Variants in TMEM71 observed in about 807,000 individuals in gnomAD.
The protein encoded by TMEM71 is transmembrane protein 71.
A neutral mutation model predicts 38.0 loss-of-function variants in TMEM71; 44 were observed. That is an observed-to-expected ratio of 1.16 (90% CI 0.91 to 1.49). The LOEUF is 1.49. TMEM71 is among the 40% of genes most tolerant of loss of function. The pLI, the probability that TMEM71 is intolerant of heterozygous loss-of-function variation, is 0.00. For missense variants in TMEM71, 367 were observed against 348.6 expected (o/e 1.05, Z -0.42); for synonymous variants, 133 against 122.5 (o/e 1.09, Z -0.56).
intron 5 of TMEM71, among the ~76,000 whole-genome samples, chr8:132,743,062 C>T (rs1252541888): frequency 6.6e-6 from 1 of 152,144 alleles, no homozygotes; most frequent in Non-Finnish European, 1.5e-5. Context: ...GATTCAATTA[C>T]CTCCCACCAG....
At chr8:132,727,260 T>C (rs957441271) in intron 6 of TMEM71, among the ~76,000 whole-genome samples, 1 of 135,370 alleles carries the variant, frequency 7.4e-6, no homozygotes, top group Admixed American at 7.2e-5. Context: ...ATTCTCAGAA[T>C]TTTTTTTTTT....
chr8:132,765,000 T>G (rs1829345442), upstream of TMEM71, among the ~76,000 whole-genome samples: 1 of 152,226 alleles, frequency 6.6e-6, no homozygotes, highest in Non-Finnish European at 1.5e-5. Flanking sequence ...GGCCAAAGCC[T>G]GGACAGGCTA....
chr8:132,718,263 T>A (rs909738598), intron 7 of TMEM71, among the ~76,000 whole-genome samples: 2 of 152,212 alleles, frequency 1.3e-5, no homozygotes, highest in African/African-American at 4.8e-5. Flanking sequence ...TAGCATTTTT[T>A]AAAATGCAAT....
At chr8:132,737,630 G>A (rs892000327) in intron 5 of TMEM71, among the ~76,000 whole-genome samples, 1 of 152,234 alleles carries the variant, frequency 6.6e-6, no homozygotes. Flanking sequence ...TCTTCCCCTG[G>A]AAAATGGGGA....
intron 5 of TMEM71, among the ~76,000 whole-genome samples, chr8:132,743,362 C>T (rs1232332125): frequency 2.6e-5 from 4 of 152,264 alleles, no homozygotes; most frequent in African/African-American, 9.6e-5. Context: ...CACTCCACTA[C>T]CAGTCACCCC....
intron 4 of TMEM71, among the ~76,000 whole-genome samples, chr8:132,750,437 T>C (rs1369341022): frequency 1.3e-5 from 2 of 152,198 alleles, no homozygotes; most frequent in South Asian, 2.1e-4. Flanking sequence ...TGTTGGGGTA[T>C]GTTCTCTTGC....
At chr8:132,708,787 A>C (rs770376585), downstream of TMEM71, among the ~76,000 whole-genome samples, 23 of 152,224 alleles carry the variant, frequency 1.5e-4, no homozygotes, top group Admixed American at 1.1e-3. Context: ...TATTTAAAGA[A>C]GGAGGCAAGA....
chr8:132,726,854 C>CT (rs138185825), intron 6 of TMEM71, among the ~76,000 whole-genome samples: 1,985 of 139,932 alleles, frequency 0.014, 26 homozygotes, highest in African/African-American at 0.045. Context: ...TCTTCTTCTT[C>CT]TTTTTTTTTT....
the TMEM71 span, chr8:132,775,463 C>T: frequency 5.2e-6 from 2 of 381,386 alleles, no homozygotes; most frequent in Non-Finnish European, 4.6e-6. Flanking sequence ...GGGCTCGGAC[C>T]CAGCTCCCTC....
rs199687165 is a variant in TMEM71 at position 132,751,998 on chromosome 8, C to T, written c.102-1G>A. On this transcript the variant is annotated splice_acceptor_variant, in intron 3 of 9. Coordinates refer to ENST00000677595, the MANE Select transcript of TMEM71 (RefSeq NM_001382403.1). LOFTEE classifies it high-confidence loss of function. ...ACCATCCAGGGAATCACAGGTGAAA[C>T]TAAGAAGGAAAAGATAACGCACTTT... 1.5e-5 allele frequency: 25 copies of T among 1,613,710 alleles called. No homozygotes were observed. Among genetic ancestry groups the T allele is most frequent in the Admixed American group, 6.7e-5 (4 of 60,014 alleles).
At chr8:132,749,786 C>T (rs903354296) in intron 4 of TMEM71, among the ~76,000 whole-genome samples, 5 of 152,106 alleles carry the variant, frequency 3.3e-5, no homozygotes, top group Admixed American at 1.3e-4. Context: ...GAGTTTGAGG[C>T]GGGCGGATCA....
Position 132,710,615 on chromosome 8 carries a change from C to A in TMEM71, c.*352G>T, listed in dbSNP as rs1216240847. 6.3e-6 allele frequency: 3 copies of A among 479,752 alleles called. No individual in the cohort carries two copies. Among genetic ancestry groups the A allele is most frequent in the Admixed American group, 8.3e-5 (2 of 24,182 alleles). 29.7% of individuals were successfully genotyped at this position (479,752 alleles called of 1,614,324 possible). A position where few individuals can be genotyped will look rare whatever the true frequency, so the allele number is the denominator to read the frequency against. Reference sequence around the variant, plus strand: ...AGACCCAGAAATCTGGTTACAAGCTCCTCACAGAATTTCCTAATGAAAATT... The same window carrying A: ...AGACCCAGAAATCTGGTTACAAGCTACTCACAGAATTTCCTAATGAAAATT... On this transcript the variant is annotated 3_prime_UTR_variant, in exon 10 of 10. Coordinates refer to ENST00000677595, the MANE Select transcript of TMEM71 (RefSeq NM_001382403.1).
intron 7 of TMEM71, among the ~76,000 whole-genome samples, chr8:132,717,840 C>A (rs1826616578): frequency 6.6e-6 from 1 of 152,150 alleles, no homozygotes. Flanking sequence ...GGGAAAAACT[C>A]AAATGCCCAT....
At chr8:132,743,546 T>A (rs990442169) in intron 5 of TMEM71, among the ~76,000 whole-genome samples, 3 of 152,238 alleles carry the variant, frequency 2.0e-5, no homozygotes, top group Non-Finnish European at 4.4e-5. Context: ...TAATCTCTTT[T>A]GCAGGTTAAT....
At chr8:132,723,950 G>A (rs1021354360) in intron 6 of TMEM71, among the ~76,000 whole-genome samples, 3 of 152,122 alleles carry the variant, frequency 2.0e-5, no homozygotes, top group Non-Finnish European at 4.4e-5. Flanking sequence ...GCTGCCGGGG[G>A]TGACATCACA....
At chr8:132,722,186 T>C (rs1322740863) in intron 6 of TMEM71, 71 bp from the exon 7 acceptor site, 3 of 1,188,624 alleles carry the variant, frequency 2.5e-6, no homozygotes, top group East Asian at 2.4e-5. Context: ...GAAAAAATCA[T>C]CTCAAACTTC....
At chr8:132,765,138 T>G (rs11991682), upstream of TMEM71, among the ~76,000 whole-genome samples, 3,542 of 152,334 alleles carry the variant, frequency 0.023, 149 homozygotes, top group African/African-American at 0.082. Context: ...CTTTGTAATA[T>G]GTTAACTTGG....
At chr8:132,754,430 A>G (rs1828893316) in intron 3 of TMEM71, among the ~76,000 whole-genome samples, 1 of 152,248 alleles carries the variant, frequency 6.6e-6, no homozygotes, top group African/African-American at 2.4e-5. Flanking sequence ...CTTTGCAGAT[A>G]GAGCTAGGTT....
At chr8:132,763,184 C>T (rs1829324325), upstream of TMEM71, among the ~76,000 whole-genome samples, 1 of 152,200 alleles carries the variant, frequency 6.6e-6, no homozygotes, top group African/African-American at 2.4e-5. Flanking sequence ...TCCCTAGTCT[C>T]TTCCTGCTTT....
Sources: gnomAD v4.1 joint callset for allele counts (sites outside exome capture counted in the v4.1 genomes callset) on GRCh38, gnomAD v4.1.1 for gene constraint, MANE v1.5 for transcripts, NCBI Gene and HGNC (gene_info 2026-07-23, HGNC 2026-07-21) for gene names.